MLXIPL: variants seen among roughly 807,000 people sequenced by gnomAD.
The protein encoded by MLXIPL is MLX interacting protein like.
In MLXIPL, 49 loss-of-function variants were observed where a neutral mutation model predicts 81.5. That is an observed-to-expected ratio of 0.60 (90% CI 0.48 to 0.76). MLXIPL has a LOEUF of 0.76. Among genes scored for constraint, MLXIPL ranks in the 30% least tolerant of loss-of-function variants. The pLI is 0.00. For missense variants in MLXIPL, 1,053 were observed against 1,167.0 expected (o/e 0.90, Z 1.42); for synonymous variants, 466 against 485.5 (o/e 0.96, Z 0.53).
In MLXIPL at chr7:73,616,098, C is replaced by A; in HGVS notation, c.373G>T (p.Ala125Ser). 1 of 1,613,918 alleles carries A rather than the reference C, an allele frequency of 6.2e-7. No individual in the cohort carries two copies. Among genetic ancestry groups the A allele is most frequent in the Non-Finnish European group, 8.5e-7 (1 of 1,179,954 alleles). The change falls in exon 2 of 17, where the codon GCC (alanine) becomes TCC (serine). Residue 125 changes from alanine (A) to serine (S), a missense_variant. Transcript: ENST00000313375. Reference sequence around the variant, plus strand: ...TGGATATACCAGGCCCTCCAGATGGCGTTGTTCAGGCGGATCTTGTCTCTG... The same window carrying A: ...TGGATATACCAGGCCCTCCAGATGGAGTTGTTCAGGCGGATCTTGTCTCTG... ...LCRDKIRLNNAIWRAWYIQYV... is the reference protein window; with the variant it reads ...LCRDKIRLNNSIWRAWYIQYV...
chr7:73,602,191 ATC>A (rs1370589837), intron 7 of MLXIPL, among the ~76,000 whole-genome samples: 3 of 53,974 alleles, frequency 5.6e-5, no homozygotes, highest in South Asian at 8.0e-4. Context: ...TCTTTCTTTC[ATC>A]TCTCTCTCTC....
the MLXIPL span, among the ~76,000 whole-genome samples, chr7:73,644,356 C>T: frequency 6.6e-6 from 1 of 151,990 alleles, no homozygotes; most frequent in South Asian, 2.1e-4. Context: ...ATTACAGGTG[C>T]CCGCCAACAT....
At chr7:73,628,947 T>C (rs1397836743), upstream of MLXIPL, among the ~76,000 whole-genome samples, 2 of 152,204 alleles carry the variant, frequency 1.3e-5, no homozygotes, top group Non-Finnish European at 2.9e-5. Context: ...TGCCCTTCCT[T>C]GTTGGGAAAG....
At chr7:73,603,807 A>G (rs1795077259) in intron 7 of MLXIPL, among the ~76,000 whole-genome samples, 2 of 152,206 alleles carry the variant, frequency 1.3e-5, no homozygotes, top group African/African-American at 4.8e-5. Context: ...GAAAACAGAG[A>G]CATTTGTCCA....
chr7:73,635,419 T>A, the MLXIPL span, among the ~76,000 whole-genome samples: 1 of 152,120 alleles, frequency 6.6e-6, no homozygotes, highest in Non-Finnish European at 1.5e-5. Context: ...TCATCTATAC[T>A]CTAATAGTCA....
chr7:73,624,577 C>T (rs1796608663), upstream of MLXIPL: 9 of 1,435,490 alleles, frequency 6.3e-6, 1 homozygote, highest in East Asian at 2.5e-4. Context: ...TTAACATAGC[C>T]CCGCCCCCAC....
chr7:73,638,258 A>G, the MLXIPL span, among the ~76,000 whole-genome samples: 1 of 152,186 alleles, frequency 6.6e-6, no homozygotes, highest in Admixed American at 6.5e-5. Flanking sequence ...GCTCAGAGAA[A>G]TTAAGTCACT....
At chr7:73,624,138 C>A in intron 1 of MLXIPL, 62 bp downstream of exon 1, 1 of 1,402,428 alleles carries the variant, frequency 7.1e-7, no homozygotes, top group Non-Finnish European at 9.6e-7. Flanking sequence ...CAGTCCTGCC[C>A]CGGACCCCCC....
At chr7:73,617,484 C>T (rs530034788) in intron 1 of MLXIPL, among the ~76,000 whole-genome samples, 40 of 152,024 alleles carry the variant, frequency 2.6e-4, no homozygotes, top group Non-Finnish European at 4.6e-4. Flanking sequence ...AAAGGAAGGC[C>T]GCTAGGATGA....
At chr7:73,617,483 C>A (rs782637608) in intron 1 of MLXIPL, among the ~76,000 whole-genome samples, 16 of 152,114 alleles carry the variant, frequency 1.1e-4, no homozygotes, top group Admixed American at 3.9e-4. Context: ...CAAAGGAAGG[C>A]CGCTAGGATG....
Position 73,596,315 on chromosome 7 carries a change from G to A in MLXIPL, c.1939-43C>T, listed in dbSNP as rs367807292. 1.2e-6 allele frequency: 2 copies of A among 1,612,934 alleles called. No individual in the cohort carries two copies. The highest frequency in any genetic ancestry group is 2.7e-5 in the African/African-American group (2 of 74,728). ...TGGGTGAGCCTAGGAAGGAGCCCAG[G>A]AGGGCCTGGGGGTAGCAAACCGATC... is the stretch of plus-strand genomic sequence containing the variant. On this transcript the variant is annotated intron_variant, in intron 12 of 16. Transcript: ENST00000313375. This position sits in a 1 kb window ranked among gnomAD's most constrained non-coding sequence, Gnocchi z 4.7.
intron 7 of MLXIPL, among the ~76,000 whole-genome samples, chr7:73,603,713 C>G (rs1165267165): frequency 6.6e-6 from 1 of 152,188 alleles, no homozygotes; most frequent in Non-Finnish European, 1.5e-5. Context: ...CACATAGCTC[C>G]GGGGGTCCCT....
chr7:73,597,086 C>T, intron 9 of MLXIPL, 96 bp downstream of exon 9: 1 of 1,460,036 alleles, frequency 6.8e-7, no homozygotes, highest in Non-Finnish European at 9.3e-7. Context: ...ACTGGACCTG[C>T]CCCTTCACCT....
the MLXIPL span, among the ~76,000 whole-genome samples, chr7:73,647,074 G>A: frequency 3.3e-5 from 5 of 152,216 alleles, no homozygotes; most frequent in African/African-American, 1.2e-4. Flanking sequence ...ACGGAAAGTC[G>A]TGCGCCCAAG....
At chr7:73,616,702 G>A (rs1796024944) in intron 1 of MLXIPL, among the ~76,000 whole-genome samples, 1 of 151,984 alleles carries the variant, frequency 6.6e-6, no homozygotes, top group African/African-American at 2.4e-5. Flanking sequence ...TACAAAATTA[G>A]CTGGCTGTGG....
chr7:73,619,748 G>A (rs538892250), intron 1 of MLXIPL, among the ~76,000 whole-genome samples: 1 of 151,826 alleles, frequency 6.6e-6, no homozygotes, highest in African/African-American at 2.4e-5. Context: ...GGCTAACGCA[G>A]TGAAACCCGG....
At chr7:73,633,734 C>T in the MLXIPL span, among the ~76,000 whole-genome samples, 5 of 152,228 alleles carry the variant, frequency 3.3e-5, no homozygotes, top group South Asian at 2.1e-4. Context: ...GGATTCCAGG[C>T]GTGAGCCATG....
intron 7 of MLXIPL, among the ~76,000 whole-genome samples, chr7:73,601,858 G>GC (rs1554596378): frequency 1.3e-5 from 2 of 152,076 alleles, no homozygotes. Context: ...GCTTTGCTTT[G>GC]CAGGAGGGTG....
the MLXIPL span, among the ~76,000 whole-genome samples, chr7:73,629,914 T>TA: frequency 1.3e-5 from 2 of 152,160 alleles, no homozygotes; most frequent in Admixed American, 6.6e-5. Flanking sequence ...ATGGAGCACT[T>TA]ACCACCTAGC....
Sources: allele counts gnomAD v4.1 joint callset (sites outside exome capture counted in the v4.1 genomes callset), GRCh38; gene constraint gnomAD v4.1.1; non-coding constraint Gnocchi (gnomAD v3.1); transcripts MANE v1.5; gene names NCBI Gene and HGNC (gene_info 2026-07-23, HGNC 2026-07-21).